CCDC85C: variants seen among roughly 807,000 people sequenced by gnomAD.
CCDC85C encodes the protein coiled-coil domain-containing protein 85C.
A neutral mutation model predicts 38.3 loss-of-function variants in CCDC85C; 18 were observed. The ratio of observed to expected loss-of-function variants is 0.47; its 90% CI spans 0.33 to 0.70. The LOEUF (loss-of-function observed/expected upper bound fraction) is 0.70, where lower values mean the gene tolerates loss of function less well. Ranked by LOEUF, CCDC85C falls within the 30% of genes least tolerant of loss-of-function variation. The probability of loss-of-function intolerance (pLI) is 0.03; values close to 1 mark genes in which losing one functional copy is unlikely to be tolerated. For synonymous variants in CCDC85C, 264 were observed against 293.8 expected, an observed-to-expected ratio of 0.90 and a Z score of 1.04; for missense variants, 566 against 621.2, an observed-to-expected ratio of 0.91 and a Z score of 0.94.
rs1897019781 is a variant in CCDC85C, at chr14:99,508,071, T to TC, written c.*7174dup. ...TCCAGCCTGCTACACTCACTGTTGG[T>TC]CGGTGCACGTGGCTCACACTGGGGC... On this transcript the variant is annotated 3_prime_UTR_variant, in exon 6 of 6. Coordinates refer to ENST00000380243, the MANE Select transcript of CCDC85C (RefSeq NM_001144995.2). The TC allele has an allele frequency of 6.6e-6, 1 of 152,252 alleles. No homozygotes were observed. Among genetic ancestry groups the TC allele is most frequent in the African/African-American group, 2.4e-5 (1 of 41,450 alleles). 9.4% of individuals were successfully genotyped at this position (152,252 alleles called of 1,614,324 possible).
intron 1 of CCDC85C, among the ~76,000 whole-genome samples, chr14:99,602,330 A>G (rs969980285): frequency 1.3e-5 from 2 of 152,324 alleles, no homozygotes; most frequent in East Asian, 3.9e-4. Context: ...AGAAGACAGA[A>G]GCTGACAGAG....
chr14:99,563,559 GATA>G (rs1372003511), intron 1 of CCDC85C, among the ~76,000 whole-genome samples: 1 of 152,272 alleles, frequency 6.6e-6, no homozygotes, highest in Non-Finnish European at 1.5e-5. Flanking sequence ...AGAAGCACCA[GATA>G]ATAAGGTGGT....
chr14:99,528,790 T>C (rs1165404486), intron 2 of CCDC85C, among the ~76,000 whole-genome samples: 3 of 152,006 alleles, frequency 2.0e-5, no homozygotes, highest in African/African-American at 7.3e-5. Context: ...TTCTTTAATT[T>C]TGAGAGAACT....
In CCDC85C at chr14:99,545,300, A is replaced by G. The variant is rs1595355044; in HGVS notation, c.794-9212T>C. ...CCAGGAAAAGCCACGAGGCTTCCCA[A>G]TGACACTGCAATGTGGAGGGGGCAG... On this transcript the variant is annotated intron_variant, in intron 1 of 5. Coordinates refer to ENST00000380243, the MANE Select transcript of CCDC85C (RefSeq NM_001144995.2). This position sits in a 1 kb window ranked among gnomAD's most constrained non-coding sequence, Gnocchi z 4.7. Among the ~76,000 whole-genome samples, 1 of 152,070 alleles carries G rather than the reference A, an allele frequency of 6.6e-6. No individual in the cohort carries two copies. The highest frequency in any genetic ancestry group is 3.2e-3 in the Middle Eastern group (1 of 316).
intron 1 of CCDC85C, among the ~76,000 whole-genome samples, chr14:99,551,544 G>T (rs550426877): frequency 2.7e-5 from 4 of 148,556 alleles, no homozygotes; most frequent in Admixed American, 6.7e-5. Context: ...CAGGTGGGTG[G>T]GCAGGTGAGT....
rs577286087 is a variant in CCDC85C at position 99,504,269 on chromosome 14, A to G, written c.*10977T>C. ...TGAACTCTTTGAAGGCACAGACCCT[A>G]TTGACTCATTTGTCTTTCTTTGTTA... is the stretch of plus-strand genomic sequence containing the variant. On this transcript the variant is annotated 3_prime_UTR_variant, in exon 6 of 6. Transcript: ENST00000380243. The G allele has an allele frequency of 5.8e-5, 9 of 155,978 alleles. No individual in the cohort carries two copies. In the South Asian group the frequency reaches 1.3e-3, roughly 23 times the overall value. The allele number at this position is 155,978 out of a possible 1,614,324, so 9.7% of individuals were successfully genotyped here. A position where few individuals can be genotyped will look rare whatever the true frequency, so the allele number is the denominator to read the frequency against.
intron 1 of CCDC85C, among the ~76,000 whole-genome samples, chr14:99,585,360 G>A (rs560063056): frequency 6.6e-6 from 1 of 152,304 alleles, no homozygotes; most frequent in South Asian, 2.1e-4. Flanking sequence ...GAGGTGGTGT[G>A]GGCAGGTGTC....
intron 1 of CCDC85C, among the ~76,000 whole-genome samples, chr14:99,566,532 G>A (rs1191342465): frequency 6.6e-6 from 1 of 152,124 alleles, no homozygotes; most frequent in East Asian, 1.9e-4. Flanking sequence ...CTGACCTCCA[G>A]TGTGTGCAAG....
intron 1 of CCDC85C, among the ~76,000 whole-genome samples, chr14:99,542,329 GCT>G (rs1294207601): frequency 3.3e-5 from 5 of 152,204 alleles, no homozygotes; most frequent in Non-Finnish European, 5.9e-5. Flanking sequence ...CGGGCTCCAG[GCT>G]CTTAAGCCAG....
intron 1 of CCDC85C, among the ~76,000 whole-genome samples, chr14:99,593,130 C>T (rs1030506293): frequency 1.3e-5 from 2 of 152,226 alleles, no homozygotes; most frequent in African/African-American, 2.4e-5. Context: ...CGGTGCCGTG[C>T]GCGGTGACAG....
intron 1 of CCDC85C, among the ~76,000 whole-genome samples, chr14:99,553,316 C>T (rs533735137): frequency 6.6e-6 from 1 of 152,118 alleles, no homozygotes; most frequent in South Asian, 2.1e-4. Context: ...AGCACAAACT[C>T]CGGGTTCAAA....
chr14:99,503,538 A>G lies in CCDC85C; in HGVS notation c.*11708T>C. ...GACTGCCGTCGCTGATTCTGGTGGT[A>G]CCTGGATAATCCATTTTTTTCTCAT... On this transcript the variant is annotated 3_prime_UTR_variant, in exon 6 of 6. Coordinates refer to ENST00000380243, the MANE Select transcript of CCDC85C (RefSeq NM_001144995.2). 1 of 1,321,382 alleles carries G rather than the reference A, an allele frequency of 7.6e-7. No individual in the cohort carries two copies. Among genetic ancestry groups the G allele is most frequent in the Non-Finnish European group, 1.1e-6 (1 of 945,286 alleles). The allele number at this position is 1,321,382 out of a possible 1,614,324, so 81.9% of individuals were successfully genotyped here. A position where few individuals can be genotyped will look rare whatever the true frequency, so the allele number is the denominator to read the frequency against.
chr14:99,518,673 C>T (rs903272933), intron 3 of CCDC85C, among the ~76,000 whole-genome samples: 14 of 152,214 alleles, frequency 9.2e-5, no homozygotes, highest in Non-Finnish European at 2.1e-4. Flanking sequence ...CTGCAGAACA[C>T]AGGCCATGTG....
In CCDC85C at chr14:99,603,775, T is replaced by C; in HGVS notation, c.185A>G (p.Gln62Arg). 1 of 1,526,262 alleles carries C rather than the reference T, an allele frequency of 6.6e-7. No individual in the cohort carries two copies. The highest frequency in any genetic ancestry group is 8.8e-7 in the Non-Finnish European group (1 of 1,142,738). 94.5% of individuals were successfully genotyped at this position (1,526,262 alleles called of 1,614,324 possible). The change falls in exon 1 of 6, where the codon CAG (glutamine) becomes CGG (arginine). Residue 62 changes from glutamine to arginine, a missense_variant. Transcript: ENST00000380243. The surrounding 1 kb of genome is among the most constrained non-coding windows in gnomAD (Gnocchi z 7.5). ...GAGGCCGCGGATCTCCAGCAGGTGC[T>C]GCTGCAGCCGCCGGTTCACGTCGCG... is the stretch of plus-strand genomic sequence containing the variant. ...LMRDVNRRLQ[Q>R]HLLEIRGLKD...
At chr14:99,521,350 C>A (rs1897300641) in intron 3 of CCDC85C, among the ~76,000 whole-genome samples, 1 of 152,244 alleles carries the variant, frequency 6.6e-6, no homozygotes, top group Non-Finnish European at 1.5e-5. Flanking sequence ...ATCGCAGAGC[C>A]AGCAGCCAGC....
At chr14:99,602,885 T>TA (rs2055217344) in intron 1 of CCDC85C, among the ~76,000 whole-genome samples, 1 of 152,168 alleles carries the variant, frequency 6.6e-6, no homozygotes, top group South Asian at 2.1e-4. Flanking sequence ...TGACAGACCC[T>TA]AATTTTGGCA....
In CCDC85C at chr14:99,507,282, A is replaced by G. The variant is rs2139881120; in HGVS notation, c.*7964T>C. The G allele has an allele frequency of 1.4e-6, 1 of 721,476 alleles. No individual in the cohort carries two copies. The highest frequency in any genetic ancestry group is 2.5e-6 in the Non-Finnish European group (1 of 397,256). The allele number at this position is 721,476 out of a possible 1,614,324, so 44.7% of individuals were successfully genotyped here. ...GTCAGCCACAGGCAGGAATCTTTGC[A>G]AAATTGTTCTTGGGCTGGGCACAAT... On this transcript the variant is annotated 3_prime_UTR_variant, in exon 6 of 6. Transcript: ENST00000380243.
At chr14:99,555,311 A>G (rs1242649988) in intron 1 of CCDC85C, among the ~76,000 whole-genome samples, 3 of 151,938 alleles carry the variant, frequency 2.0e-5, no homozygotes, top group Non-Finnish European at 4.4e-5. Context: ...GCCTGTCCCC[A>G]CCTGTCCTAC....
At chr14:99,561,012 GCCTCC>G (rs902497212) in intron 1 of CCDC85C, among the ~76,000 whole-genome samples, 18 of 152,220 alleles carry the variant, frequency 1.2e-4, no homozygotes, top group Non-Finnish European at 2.5e-4. Context: ...CAGTTCCCCT[GCCTCC>G]CTCAGTCTCC....
Sources: allele counts gnomAD v4.1 joint callset (sites outside exome capture counted in the v4.1 genomes callset), GRCh38; gene constraint gnomAD v4.1.1; non-coding constraint Gnocchi (gnomAD v3.1); transcripts MANE v1.5; gene names NCBI Gene and HGNC (gene_info 2026-07-23, HGNC 2026-07-21).